ROBO1: variants seen among roughly 807,000 people sequenced by gnomAD.
The protein encoded by ROBO1 is roundabout guidance receptor 1, also known as roundabout homolog 1.
ROBO1 carries 149 observed loss-of-function variants against 195.9 expected under a neutral mutation model. That is an observed-to-expected ratio of 0.76 (90% CI 0.67 to 0.87). The LOEUF (loss-of-function observed/expected upper bound fraction) is 0.87. Ranked by LOEUF, ROBO1 falls within the 40% of genes least tolerant of loss-of-function variation. ROBO1 has a pLI of 0.00. For synonymous variants in ROBO1, 816 were observed against 733.2 expected, an observed-to-expected ratio of 1.11 and a Z score of -1.82; for missense variants, 1,933 against 2,068.3, an observed-to-expected ratio of 0.93 and a Z score of 1.27.
chr3:79,078,685 C>T (rs1576647516), intron 3 of ROBO1, among the ~76,000 whole-genome samples: 1 of 151,722 alleles, frequency 6.6e-6, no homozygotes. Flanking sequence ...AAAATAACAG[C>T]ACACACTTTT....
intron 3 of ROBO1, among the ~76,000 whole-genome samples, chr3:78,976,280 A>C (rs2076883672): frequency 6.6e-6 from 1 of 152,196 alleles, no homozygotes; most frequent in Non-Finnish European, 1.5e-5. Context: ...TGCATCCCAA[A>C]GTTCAGACAG....
chr3:79,075,315 G>A (rs576051669), intron 3 of ROBO1, among the ~76,000 whole-genome samples: 2 of 152,054 alleles, frequency 1.3e-5, no homozygotes, highest in Admixed American at 6.6e-5. Context: ...TCCTACATAG[G>A]TATGAATTTG....
chr3:79,428,302 A>AT (rs1257805018), intron 2 of ROBO1, among the ~76,000 whole-genome samples: 2 of 151,228 alleles, frequency 1.3e-5, no homozygotes, highest in African/African-American at 4.9e-5. Flanking sequence ...AGAAATATTA[A>AT]TAAAATGTAT....
intron 2 of ROBO1, among the ~76,000 whole-genome samples, chr3:79,419,949 A>G (rs2038159787): frequency 6.6e-6 from 1 of 152,090 alleles, no homozygotes; most frequent in Admixed American, 6.6e-5. Flanking sequence ...GTCCCTAGGA[A>G]TTTTATTTCT....
intron 2 of ROBO1, among the ~76,000 whole-genome samples, chr3:79,293,592 A>T (rs1425049443): frequency 6.6e-6 from 1 of 152,146 alleles, no homozygotes; most frequent in Non-Finnish European, 1.5e-5. Context: ...GTTTTCTTCA[A>T]GGAAAATTAC....
intron 2 of ROBO1, among the ~76,000 whole-genome samples, chr3:79,485,946 A>G (rs1166254654): frequency 2.0e-5 from 3 of 152,106 alleles, no homozygotes; most frequent in African/African-American, 7.2e-5. Flanking sequence ...AAGGTTTTCC[A>G]TTATTCTTTC....
At chr3:79,348,744 G>C (rs2035228474) in intron 2 of ROBO1, among the ~76,000 whole-genome samples, 1 of 152,084 alleles carries the variant, frequency 6.6e-6, no homozygotes, top group African/African-American at 2.4e-5. Flanking sequence ...TTGTATTTTT[G>C]AGTGGAAAAA....
chr3:79,581,126 T>C (rs1464694608), intron 2 of ROBO1, among the ~76,000 whole-genome samples: 1 of 151,598 alleles, frequency 6.6e-6, no homozygotes, highest in South Asian at 2.1e-4. Context: ...TTTGTTTTTG[T>C]TTTTGTCTTG....
At chr3:79,066,199 GGTGACAAGATCATAAA>G (rs2079000157) in intron 3 of ROBO1, among the ~76,000 whole-genome samples, 1 of 151,812 alleles carries the variant, frequency 6.6e-6, no homozygotes, top group Non-Finnish European at 1.5e-5. Context: ...TGGGTACTTG[GGTGACAAGATCATAAA>G]GTAAGGCAGG....
chr3:79,645,468 C>T (rs1352488760), intron 1 of ROBO1, among the ~76,000 whole-genome samples: 2 of 152,034 alleles, frequency 1.3e-5, no homozygotes, highest in Admixed American at 6.6e-5. Context: ...TGCCACTGCA[C>T]TATAGCCCGG....
At chr3:79,389,094 G>A (rs960918758) in intron 2 of ROBO1, among the ~76,000 whole-genome samples, 9 of 152,002 alleles carry the variant, frequency 5.9e-5, no homozygotes, top group African/African-American at 2.2e-4. Context: ...TTGGATGGGA[G>A]CAAGATTTCT....
rs752678184 is a variant in ROBO1 at position 78,652,073 on chromosome 3, T to C, written c.2615-144A>G. ...CACCACTCACCATCATCAAATAAAA[T>C]AGTTCATACTGTTTTCAGCAAAATT... On this transcript the variant is annotated intron_variant, in intron 18 of 30. Coordinates refer to ENST00000464233, the MANE Select transcript of ROBO1 (RefSeq NM_002941.4). The C allele has an allele frequency of 1.5e-4, 93 of 637,066 alleles. 1 individual carries two copies. The highest frequency in any genetic ancestry group is 1.4e-3 in the South Asian group (69 of 47,956). 39.5% of individuals were successfully genotyped at this position (637,066 alleles called of 1,614,324 possible). A position where few individuals can be genotyped will look rare whatever the true frequency, so the allele number is the denominator to read the frequency against.
chr3:79,370,734 A>G (rs1010084530), intron 2 of ROBO1, among the ~76,000 whole-genome samples: 1 of 151,824 alleles, frequency 6.6e-6, no homozygotes, highest in East Asian at 1.9e-4. Context: ...TGTTACATAG[A>G]TATATACATG....
At chr3:79,117,527 C>T (rs2080029022) in intron 3 of ROBO1, among the ~76,000 whole-genome samples, 1 of 152,170 alleles carries the variant, frequency 6.6e-6, no homozygotes, top group South Asian at 2.1e-4. Context: ...TAGAGTGCGC[C>T]TGACCTGGGA....
intron 4 of ROBO1, among the ~76,000 whole-genome samples, chr3:78,755,144 T>C (rs1008949387): frequency 5.3e-5 from 8 of 152,176 alleles, no homozygotes; most frequent in Non-Finnish European, 5.9e-5. Flanking sequence ...TCATTCTAGC[T>C]GCTCTGTGAA....
intron 2 of ROBO1, among the ~76,000 whole-genome samples, chr3:79,479,345 C>T (rs930978669): frequency 6.6e-6 from 1 of 152,246 alleles, no homozygotes; most frequent in Non-Finnish European, 1.5e-5. Context: ...CTAGATCCCT[C>T]GCATGCGCAC....
intron 2 of ROBO1, among the ~76,000 whole-genome samples, chr3:79,342,929 T>C (rs1473029396): frequency 6.6e-6 from 1 of 152,154 alleles, no homozygotes; most frequent in Non-Finnish European, 1.5e-5. Flanking sequence ...TAAATGTATA[T>C]AATATGTATC....
intron 2 of ROBO1, among the ~76,000 whole-genome samples, chr3:79,167,557 A>G (rs1455919180): frequency 6.6e-6 from 1 of 152,190 alleles, no homozygotes; most frequent in African/African-American, 2.4e-5. Flanking sequence ...CTAAGAGGGC[A>G]CTTTCCTTTT....
At chr3:79,607,467 T>C (rs1944524442) in intron 1 of ROBO1, among the ~76,000 whole-genome samples, 1 of 151,718 alleles carries the variant, frequency 6.6e-6, no homozygotes, top group Non-Finnish European at 1.5e-5. Context: ...AAGGGTATCA[T>C]TACTGTATTT....
Sources: allele counts gnomAD v4.1 joint callset (sites outside exome capture counted in the v4.1 genomes callset), GRCh38; gene constraint gnomAD v4.1.1; transcripts MANE v1.5; gene names NCBI Gene and HGNC (gene_info 2026-07-23, HGNC 2026-07-21).